The following KCNMA1 variants were observed in gnomAD, a reference collection of about 807,000 sequenced individuals.
KCNMA1 encodes the protein Calcium-activated potassium channel subunit alpha-1.
Under a neutral mutation model 140.0 loss-of-function variants are expected in KCNMA1, and 29 were observed. The observed-to-expected ratio is 0.21, with a 90% CI of 0.15 to 0.28. The LOEUF is 0.28. Ranked by LOEUF, KCNMA1 falls within the 10% of genes least tolerant of loss-of-function variation. KCNMA1 has a pLI of 1.00. For synonymous variants in KCNMA1, 612 were observed against 611.9 expected (o/e 1.00, Z 0.00); for missense variants, 880 against 1,602.2 (o/e 0.55, Z 7.70).
chr10:77,577,084 G>A (rs542924739), intron 1 of KCNMA1, among the ~76,000 whole-genome samples: 7 of 150,418 alleles, frequency 4.7e-5, no homozygotes, highest in East Asian at 2.0e-4. Flanking sequence ...CCATGTTGAC[G>A]AGCCTACACA....
intron 2 of KCNMA1, among the ~76,000 whole-genome samples, chr10:77,273,831 G>A (rs2065872381): frequency 6.6e-6 from 1 of 152,134 alleles, no homozygotes; most frequent in Non-Finnish European, 1.5e-5. Flanking sequence ...ACCATTCCCA[G>A]CACAGGGGCT....
intron 2 of KCNMA1, among the ~76,000 whole-genome samples, chr10:77,264,664 A>G (rs2062923031): frequency 6.6e-6 from 1 of 152,176 alleles, no homozygotes; most frequent in African/African-American, 2.4e-5. Flanking sequence ...GGCTCCCTTA[A>G]GCTTACTGCA....
chr10:77,101,587 A>T (rs1055033053), intron 9 of KCNMA1, among the ~76,000 whole-genome samples: 5 of 152,210 alleles, frequency 3.3e-5, no homozygotes, highest in East Asian at 1.9e-4. Flanking sequence ...GAATCCAAAG[A>T]CATTGCTGAG....
intron 2 of KCNMA1, among the ~76,000 whole-genome samples, chr10:77,398,060 ATGTG>A (rs71028275): frequency 7.4e-5 from 11 of 148,490 alleles, no homozygotes; most frequent in African/African-American, 2.0e-4. Flanking sequence ...ATATGTGTGT[ATGTG>A]TGTGTGTGTG....
intron 1 of KCNMA1, among the ~76,000 whole-genome samples, chr10:77,518,121 C>T (rs2051265718): frequency 1.3e-5 from 2 of 152,154 alleles, no homozygotes; most frequent in African/African-American, 4.8e-5. Flanking sequence ...GATCTTGTTC[C>T]ACTCATTGGC....
chr10:76,893,608 C>T (rs536140941), intron 25 of KCNMA1, among the ~76,000 whole-genome samples: 350 of 152,052 alleles, frequency 2.3e-3, no homozygotes, highest in Non-Finnish European at 4.1e-3. Flanking sequence ...GGCATGGTGG[C>T]GGGCACCTGT....
At chr10:77,272,452 A>T (rs2065424085) in intron 2 of KCNMA1, among the ~76,000 whole-genome samples, 2 of 152,246 alleles carry the variant, frequency 1.3e-5, no homozygotes, top group African/African-American at 4.8e-5. Flanking sequence ...TTATCTCCCC[A>T]ACTAGACAAT....
At chr10:77,376,231 A>T (rs1301100162) in intron 2 of KCNMA1, among the ~76,000 whole-genome samples, 1 of 152,116 alleles carries the variant, frequency 6.6e-6, no homozygotes, top group Non-Finnish European at 1.5e-5. Context: ...AAAATCAGGT[A>T]CCTAGTTGGC....
intron 1 of KCNMA1, among the ~76,000 whole-genome samples, chr10:77,434,931 A>G (rs2097226565): frequency 6.6e-6 from 1 of 152,154 alleles, no homozygotes; most frequent in Non-Finnish European, 1.5e-5. Context: ...TTTTCTTTCA[A>G]TGGAGTCAAA....
chr10:77,060,438 G>A (rs1279129173), intron 14 of KCNMA1, among the ~76,000 whole-genome samples: 4 of 152,156 alleles, frequency 2.6e-5, no homozygotes, highest in Non-Finnish European at 5.9e-5. Flanking sequence ...ACTGTCTATA[G>A]CCATTATCCT....
intron 2 of KCNMA1, among the ~76,000 whole-genome samples, chr10:77,266,680 T>C (rs1035041010): frequency 6.6e-6 from 1 of 152,156 alleles, no homozygotes; most frequent in African/African-American, 2.4e-5. Flanking sequence ...ATCTGCTACT[T>C]CACCCAAGGG....
At chr10:77,276,642 A>G (rs1208275945) in intron 2 of KCNMA1, among the ~76,000 whole-genome samples, 3 of 152,124 alleles carry the variant, frequency 2.0e-5, no homozygotes, top group Non-Finnish European at 4.4e-5. Flanking sequence ...GTTTGTTCAT[A>G]CACAGATTGA....
intron 1 of KCNMA1, among the ~76,000 whole-genome samples, chr10:77,491,599 T>C (rs533347098): frequency 2.4e-4 from 37 of 152,196 alleles, no homozygotes; most frequent in African/African-American, 8.7e-4. Context: ...AGAGGGCATC[T>C]TGGGGTGACT....
At chr10:77,501,087 C>G (rs114992592) in intron 1 of KCNMA1, among the ~76,000 whole-genome samples, 2,301 of 152,372 alleles carry the variant, frequency 0.015, 29 homozygotes, top group Middle Eastern at 0.048. Flanking sequence ...CCCATAGGCT[C>G]TGGAGGGCCA....
intron 18 of KCNMA1, chr10:77,008,270 G>T: frequency 7.0e-7 from 1 of 1,421,570 alleles, no homozygotes; most frequent in Non-Finnish European, 9.5e-7. Context: ...TCAAAGATAT[G>T]TCAATGATTT....
chr10:77,436,799 A>G (rs1190606842), intron 1 of KCNMA1, among the ~76,000 whole-genome samples: 1 of 152,228 alleles, frequency 6.6e-6, no homozygotes, highest in Non-Finnish European at 1.5e-5. Context: ...ATGAATATAC[A>G]TAAATGCTAA....
At chr10:77,352,682 T>A (rs1250885318) in intron 2 of KCNMA1, among the ~76,000 whole-genome samples, 1 of 152,122 alleles carries the variant, frequency 6.6e-6, no homozygotes, top group Admixed American at 6.5e-5. Flanking sequence ...CAAACACTGC[T>A]CCTTCTGTAG....
At chr10:77,293,431 G>A (rs2073976630) in intron 2 of KCNMA1, among the ~76,000 whole-genome samples, 1 of 152,126 alleles carries the variant, frequency 6.6e-6, no homozygotes, top group African/African-American at 2.4e-5. Flanking sequence ...GCTCTACCAT[G>A]TTCTGAGGCC....
rs1269376080 is a variant in KCNMA1, at chr10:76,944,827, T to C, written c.2848A>G (p.Ile950Val). Reference sequence around the variant, plus strand: ...CTGTCATCAAACTGCATAGATTTGATGTTGAGTGACGCCAAGATGCATTCC... The same window carrying C: ...CTGTCATCAAACTGCATAGATTTGACGTTGAGTGACGCCAAGATGCATTCC... ...DKECILASLN[I>V]KSMQFDDSIG... The change falls in exon 23 of 28, where the codon ATC becomes GTC. Residue 950 changes from isoleucine to valine, a missense_variant. Physicochemically the swap from Ile to Val is conservative, Grantham distance 29. Coordinates refer to ENST00000286628, the MANE Select transcript of KCNMA1 (RefSeq NM_001161352.2). The C allele has an allele frequency of 6.2e-7, 1 of 1,614,038 alleles. No homozygotes were observed. Among genetic ancestry groups the C allele is most frequent in the East Asian group, 2.2e-5 (1 of 44,892 alleles).
Sources: gnomAD v4.1 joint callset for allele counts (sites outside exome capture counted in the v4.1 genomes callset) on GRCh38, gnomAD v4.1.1 for gene constraint, MANE v1.5 for transcripts, NCBI Gene and HGNC (gene_info 2026-07-23, HGNC 2026-07-21) for gene names.